Variants in C3orf20 observed in about 807,000 individuals in gnomAD.
C3orf20 encodes uncharacterized protein C3orf20.
Under a neutral mutation model 88.3 loss-of-function variants are expected in C3orf20, and 76 were observed. The observed-to-expected ratio is 0.86, with a 90% CI of 0.72 to 1.04. C3orf20 has a LOEUF of 1.04. Ranked by LOEUF, C3orf20 falls within the 50% of genes least tolerant of loss-of-function variation. The probability of loss-of-function intolerance (pLI) is 0.00; values close to 1 mark genes in which losing one functional copy is unlikely to be tolerated. For synonymous variants in C3orf20, 436 were observed against 437.4 expected (o/e 1.00, Z 0.04); for missense variants, 1,056 against 1,123.3 (o/e 0.94, Z 0.86).
intron 5 of C3orf20, among the ~76,000 whole-genome samples, chr3:14,695,520 T>C (rs796088238): frequency 1.3e-5 from 2 of 152,326 alleles, no homozygotes; most frequent in Admixed American, 6.5e-5. Flanking sequence ...TGGTCTATAG[T>C]ATAGATTAAG....
At chr3:14,751,260 T>C (rs1416496202) in intron 12 of C3orf20, among the ~76,000 whole-genome samples, 1 of 152,250 alleles carries the variant, frequency 6.6e-6, no homozygotes, top group Non-Finnish European at 1.5e-5. Context: ...TGGTTGAAGA[T>C]GGCTGAATAG....
rs1425503398 is a variant in C3orf20 at position 14,752,812 on chromosome 3, G to A, written c.1941-4559G>A. Among the ~76,000 whole-genome samples, 80 of 152,200 alleles carry A rather than the reference G, an allele frequency of 5.3e-4. 1 individual carries two copies. Among genetic ancestry groups the A allele is most frequent in the Admixed American group, 5.2e-3 (80 of 15,286 alleles). On this transcript the variant is annotated intron_variant, in intron 12 of 16. Coordinates refer to ENST00000253697, the MANE Select transcript of C3orf20 (RefSeq NM_032137.5). The stretch of plus-strand genomic sequence containing the variant: ...GATATCATCTCACGCCAGTTAGAAT[G>A]GTGATCATTAAAAAGTCAGGAAACG...
At chr3:14,695,000 A>G (rs900461701) in intron 5 of C3orf20, among the ~76,000 whole-genome samples, 1 of 152,156 alleles carries the variant, frequency 6.6e-6, no homozygotes, top group African/African-American at 2.4e-5. Context: ...CATGTTGACC[A>G]GGCTGGTCTT....
chr3:14,721,169 C>A (rs1428691905), intron 9 of C3orf20, among the ~76,000 whole-genome samples: 1 of 152,184 alleles, frequency 6.6e-6, no homozygotes, highest in Non-Finnish European at 1.5e-5. Context: ...CTTCTGGGTC[C>A]TCTTTGACCT....
chr3:14,698,389 A>G (rs1213272573), intron 5 of C3orf20, among the ~76,000 whole-genome samples: 1 of 152,222 alleles, frequency 6.6e-6, no homozygotes, highest in African/African-American at 2.4e-5. Context: ...TGTAGTCTTC[A>G]CAGTCTGGGG....
intron 12 of C3orf20, among the ~76,000 whole-genome samples, chr3:14,752,637 A>G (rs1413864616): frequency 1.3e-5 from 2 of 152,246 alleles, no homozygotes; most frequent in East Asian, 3.8e-4. Flanking sequence ...AAACAAATTT[A>G]CAAGAAAAAA....
intron 15 of C3orf20, among the ~76,000 whole-genome samples, chr3:14,762,770 C>G (rs2035597592): frequency 6.6e-6 from 1 of 152,160 alleles, no homozygotes; most frequent in African/African-American, 2.4e-5. Flanking sequence ...AGCACCGAGT[C>G]TGGGTACCCC....
intron 12 of C3orf20, among the ~76,000 whole-genome samples, chr3:14,746,820 C>T (rs2035070584): frequency 6.6e-6 from 1 of 152,226 alleles, no homozygotes; most frequent in Non-Finnish European, 1.5e-5. Context: ...GTTGAGCTAA[C>T]ATTATCCTGT....
chr3:14,689,888 C>G, intron 4 of C3orf20, 109 bp from the exon 5 acceptor site: 1 of 1,425,718 alleles, frequency 7.0e-7, no homozygotes, highest in Non-Finnish European at 9.7e-7. Flanking sequence ...CGGCACTTTA[C>G]AGTATGTGAC....
intron 7 of C3orf20, among the ~76,000 whole-genome samples, chr3:14,705,979 A>AGGGT (rs1363608878): frequency 2.6e-5 from 4 of 152,180 alleles, no homozygotes; most frequent in Non-Finnish European, 2.9e-5. Flanking sequence ...AGTACAGAGC[A>AGGGT]GGGTAGAGGG....
At chr3:14,747,008 T>C (rs1206115433) in intron 12 of C3orf20, among the ~76,000 whole-genome samples, 1 of 152,192 alleles carries the variant, frequency 6.6e-6, no homozygotes, top group Admixed American at 6.5e-5. Context: ...GGGTGAGAAC[T>C]GTTGTAGCCA....
rs2032175311 is a variant in C3orf20, at chr3:14,682,908, C to T, written c.195C>T (p.Asp65=). ...ACCCTTCAGTGCCTACCCCGTCCGA[C>T]ATCTTGGGCCTGGAGGTCAGCTTTG... ...ISDPSVPTPS[D]ILGLEVSFGA... is the part of the protein sequence containing the mutation. Residue 65 remains aspartate, a synonymous_variant, in exon 3 of 17, where the codon GAC becomes GAT. Coordinates refer to ENST00000253697, the MANE Select transcript of C3orf20 (RefSeq NM_032137.5). 1.9e-6 allele frequency: 3 copies of T among 1,614,208 alleles called. No individual in the cohort carries two copies. Among genetic ancestry groups the T allele is most frequent in the South Asian group, 1.1e-5 (1 of 91,086 alleles).
chr3:14,700,022 C>T (rs187531115), intron 5 of C3orf20, among the ~76,000 whole-genome samples: 2 of 152,352 alleles, frequency 1.3e-5, no homozygotes, highest in Admixed American at 1.3e-4. Flanking sequence ...TTGCTTTCCA[C>T]TGTGACAGGA....
chr3:14,703,808 A>G (rs547125544), intron 6 of C3orf20, among the ~76,000 whole-genome samples: 1 of 152,206 alleles, frequency 6.6e-6, no homozygotes, highest in Admixed American at 6.5e-5. Context: ...GGTTTTTATC[A>G]TTCTGTGGGG....
chr3:14,731,548 T>G (rs919827507), intron 12 of C3orf20, among the ~76,000 whole-genome samples: 1 of 152,228 alleles, frequency 6.6e-6, no homozygotes, highest in Non-Finnish European at 1.5e-5. Flanking sequence ...ACACCTAGCA[T>G]GCTCCTTTCT....
At position 14,718,560 on chromosome 3, in the gene C3orf20, G is replaced by A. The variant is rs74472770; in HGVS notation, c.1435-3093G>A. Among the ~76,000 whole-genome samples the A allele has an allele frequency of 5.7e-3, 873 of 152,188 alleles. 63 individuals are homozygous for A. In the East Asian group the frequency reaches 0.15, roughly 26 times the overall value. On this transcript the variant is annotated intron_variant, in intron 9 of 16. Transcript: ENST00000253697. Reference sequence around the variant, plus strand: ...CTGAGTTGGCCTCTGTTGATTATCTGTTGCTTTGAAAACAGCTCACACTTC... The same window carrying A: ...CTGAGTTGGCCTCTGTTGATTATCTATTGCTTTGAAAACAGCTCACACTTC...
chr3:14,706,067 C>T (rs546433640), intron 7 of C3orf20, among the ~76,000 whole-genome samples: 9 of 152,244 alleles, frequency 5.9e-5, no homozygotes, highest in South Asian at 4.1e-4. Context: ...GAGGAGAGGA[C>T]GGGTCTCTGG....
At chr3:14,688,499 T>C (rs1245434382) in intron 4 of C3orf20, among the ~76,000 whole-genome samples, 1 of 130,330 alleles carries the variant, frequency 7.7e-6, no homozygotes, top group Non-Finnish European at 1.5e-5. Context: ...GCCACTGCAC[T>C]CCAGCCTGGA....
At position 14,768,865 on chromosome 3, in the gene C3orf20, G is replaced by A. The variant is rs2035789928; in HGVS notation, c.2496-3202G>A. ...ACTGGCCTGTTGCAAAGCCCCCGAT[G>A]GTCTTTTTTGCTTATCCCTGACCAA... On this transcript the variant is annotated intron_variant, in intron 15 of 16. Transcript: ENST00000253697. The surrounding 1 kb of genome is among the most constrained non-coding windows in gnomAD (Gnocchi z 4.1). Among the ~76,000 whole-genome samples the A allele has an allele frequency of 6.6e-6, 1 of 151,946 alleles. No homozygotes were observed. Among genetic ancestry groups the A allele is most frequent in the Non-Finnish European group, 1.5e-5 (1 of 68,016 alleles).
Sources: gnomAD v4.1 joint callset for allele counts (sites outside exome capture counted in the v4.1 genomes callset) on GRCh38, gnomAD v4.1.1 for gene constraint, Gnocchi (gnomAD v3.1) non-coding constraint, MANE v1.5 for transcripts, NCBI Gene and HGNC (gene_info 2026-07-23, HGNC 2026-07-21) for gene names.